The following PALM2AKAP2 variants were observed in gnomAD, a reference collection of about 807,000 sequenced individuals.
The protein encoded by PALM2AKAP2 is PALM2 and AKAP2 fusion.
In PALM2AKAP2, 37 loss-of-function variants were observed where a neutral mutation model predicts 71.5. The ratio of observed to expected loss-of-function variants is 0.52; its 90% CI spans 0.40 to 0.68. The LOEUF is 0.68. Ranked by LOEUF, PALM2AKAP2 falls within the 30% of genes least tolerant of loss-of-function variation. The probability of loss-of-function intolerance (pLI) is 0.00; values close to 1 mark genes in which losing one functional copy is unlikely to be tolerated. For missense variants in PALM2AKAP2, 1,224 were observed against 1,191.8 expected, an observed-to-expected ratio of 1.03 and a Z score of -0.40; for synonymous variants, 468 against 478.8, an observed-to-expected ratio of 0.98 and a Z score of 0.29.
intron 1 of PALM2AKAP2, among the ~76,000 whole-genome samples, chr9:110,089,173 T>C (rs965749692): frequency 2.0e-5 from 3 of 152,078 alleles, no homozygotes; most frequent in African/African-American, 7.2e-5. Context: ...GGGAGGCGGA[T>C]GGGAGAAGCA....
At chr9:109,887,632 A>G (rs1230459916) in intron 3 of PALM2AKAP2, among the ~76,000 whole-genome samples, 1 of 152,138 alleles carries the variant, frequency 6.6e-6, no homozygotes, top group Non-Finnish European at 1.5e-5. Context: ...GGTAGTGATG[A>G]TGATGATGAT....
At chr9:110,116,373 TGC>T (rs1564313628) in intron 1 of PALM2AKAP2, among the ~76,000 whole-genome samples, 16 of 151,900 alleles carry the variant, frequency 1.1e-4, no homozygotes, top group East Asian at 5.8e-4. Flanking sequence ...CGTGTGTGTG[TGC>T]GTGTGTGTGT....
chr9:110,121,819 T>C (rs7871428), intron 1 of PALM2AKAP2, among the ~76,000 whole-genome samples: 46,918 of 152,114 alleles, frequency 0.31, 7,842 homozygotes, highest in African/African-American at 0.44. Context: ...CCAAGGCAGC[T>C]GCTGCTCCTA....
At chr9:109,934,647 G>T (rs1311230284) in intron 6 of PALM2AKAP2, among the ~76,000 whole-genome samples, 1 of 152,128 alleles carries the variant, frequency 6.6e-6, no homozygotes, top group Admixed American at 6.5e-5. Flanking sequence ...AGAGCACGAC[G>T]CTGCAGACCA....
intron 7 of PALM2AKAP2, among the ~76,000 whole-genome samples, chr9:110,016,918 T>C (rs146193669): frequency 0.015 from 2,360 of 152,274 alleles, 22 homozygotes; most frequent in Middle Eastern, 0.037. Context: ...CTCTCTCTTT[T>C]GCCCAGGCCG....
intron 2 of PALM2AKAP2, among the ~76,000 whole-genome samples, chr9:110,149,425 A>G (rs1836257353): frequency 6.6e-6 from 1 of 152,244 alleles, no homozygotes; most frequent in East Asian, 1.9e-4. Flanking sequence ...TGGGCTAATA[A>G]TATTTACAAG....
chr9:109,965,562 A>G (rs1831931041), intron 6 of PALM2AKAP2, among the ~76,000 whole-genome samples: 1 of 152,258 alleles, frequency 6.6e-6, no homozygotes. Context: ...AAAGGTTACC[A>G]GAGGACCTGG....
chr9:109,880,044 A>T (rs558605039), intron 2 of PALM2AKAP2, among the ~76,000 whole-genome samples: 1 of 152,312 alleles, frequency 6.6e-6, no homozygotes, highest in South Asian at 2.1e-4. Flanking sequence ...ACTGAAGATG[A>T]TTGGGAGTCA....
rs767818036 is a variant in PALM2AKAP2, at chr9:110,138,304, G to A, written c.2334G>A (p.Glu778=). ...TCAGCAAGTACTCGGAGGCAGCTGA[G>A]CTGAGAAGCACAGCCTCCCTCCTGG... is the stretch of plus-strand genomic sequence containing the variant. Residue 778 remains glutamate, a synonymous_variant, in exon 2 of 4, where the codon GAG becomes GAA. Transcript: ENST00000374525. 3 of 1,614,252 alleles carry A rather than the reference G, an allele frequency of 1.9e-6. No individual in the cohort carries two copies. In the Admixed American group the frequency reaches 5.0e-5, roughly 27 times the overall value.
At chr9:109,891,788 G>A (rs1368591247) in intron 3 of PALM2AKAP2, among the ~76,000 whole-genome samples, 1 of 152,084 alleles carries the variant, frequency 6.6e-6, no homozygotes, top group African/African-American at 2.4e-5. Context: ...CCCGTGCCTG[G>A]CCATCACCCA....
intron 1 of PALM2AKAP2, among the ~76,000 whole-genome samples, chr9:109,857,903 G>A (rs1340073605): frequency 1.3e-5 from 2 of 152,188 alleles, no homozygotes; most frequent in East Asian, 1.9e-4. Flanking sequence ...TACCATTATG[G>A]TTTATACCAC....
chr9:110,011,734 TG>T (rs1832887724), intron 6 of PALM2AKAP2, among the ~76,000 whole-genome samples: 1 of 152,208 alleles, frequency 6.6e-6, no homozygotes, highest in African/African-American at 2.4e-5. Context: ...GCGCAGTGTG[TG>T]GGTTAAGTGC....
intron 2 of PALM2AKAP2, among the ~76,000 whole-genome samples, chr9:109,872,225 A>G (rs1226265129): frequency 6.6e-6 from 1 of 152,126 alleles, no homozygotes; most frequent in East Asian, 1.9e-4. Context: ...TTTTTATTTC[A>G]TAGGAACAAT....
chr9:110,062,463 T>C lies in PALM2AKAP2; in HGVS notation c.156+13608T>C, dbSNP rs892036599. Among the ~76,000 whole-genome samples, 4 of 152,218 alleles carry C rather than the reference T, an allele frequency of 2.6e-5. No homozygotes were observed. The East Asian group carries it at 7.7e-4, about 29-fold the overall frequency. On this transcript the variant is annotated intron_variant, in intron 1 of 3. Transcript: ENST00000374525. ...GCTGCATAGTATTCCATGGTGTATATGTACCACATAAAAAATAGCATTTTA... is the reference window on the plus strand; with the variant it reads ...GCTGCATAGTATTCCATGGTGTATACGTACCACATAAAAAATAGCATTTTA...
At chr9:109,757,114 T>C (rs1277510059) in intron 1 of PALM2AKAP2, among the ~76,000 whole-genome samples, 1 of 152,114 alleles carries the variant, frequency 6.6e-6, no homozygotes, top group Admixed American at 6.6e-5. Context: ...TATCCCCACC[T>C]ACCCTCATAC....
chr9:109,695,385 C>G (rs913399269), intron 1 of PALM2AKAP2, among the ~76,000 whole-genome samples: 2 of 152,136 alleles, frequency 1.3e-5, no homozygotes, highest in South Asian at 4.1e-4. Flanking sequence ...ATACTGTTTT[C>G]TATGGTGGCT....
chr9:110,011,014 A>AAAAAAAT (rs35212981), intron 6 of PALM2AKAP2, among the ~76,000 whole-genome samples: 54 of 69,574 alleles, frequency 7.8e-4, no homozygotes, highest in South Asian at 1.4e-3. Context: ...AAAAAAAAAA[A>AAAAAAAT]ATATATATAT....
At chr9:109,920,504 A>G (rs139349761) in intron 3 of PALM2AKAP2, among the ~76,000 whole-genome samples, 1 of 151,030 alleles carries the variant, frequency 6.6e-6, no homozygotes, top group Non-Finnish European at 1.5e-5. Context: ...CTCAGCCTCT[A>G]GAGTAGTTGG....
intron 1 of PALM2AKAP2, among the ~76,000 whole-genome samples, chr9:110,118,915 G>A (rs956096825): frequency 6.6e-6 from 1 of 152,118 alleles, no homozygotes; most frequent in Non-Finnish European, 1.5e-5. Context: ...ATTCATGTTT[G>A]TTAACATCAA....
Sources: allele counts gnomAD v4.1 joint callset (sites outside exome capture counted in the v4.1 genomes callset), GRCh38; gene constraint gnomAD v4.1.1; transcripts MANE v1.5; gene names NCBI Gene and HGNC (gene_info 2026-07-23, HGNC 2026-07-21).